HS6ST3: variants seen among roughly 807,000 people sequenced by gnomAD.
HS6ST3 encodes the protein heparan sulfate 6-O-sulfotransferase 3.
HS6ST3 carries 12 observed loss-of-function variants against 36.7 expected under a neutral mutation model. That is an observed-to-expected ratio of 0.33 (90% CI 0.21 to 0.53). The LOEUF (loss-of-function observed/expected upper bound fraction) is 0.53. Among genes scored for constraint, HS6ST3 ranks in the 20% least tolerant of loss-of-function variants. The pLI is 0.95. For missense variants in HS6ST3, 584 were observed against 640.9 expected, an observed-to-expected ratio of 0.91 and a Z score of 0.96; for synonymous variants, 240 against 257.5, an observed-to-expected ratio of 0.93 and a Z score of 0.65.
At position 96,583,615 on chromosome 13, in the gene HS6ST3, T is replaced by C. The variant is rs889850659; in HGVS notation, c.708-248875T>C. ...ATTTTGAATGTGCTTTTCTCCACCA[T>C]ACTGGTTAAGTTTAGCTCCTTTACC... is the stretch of plus-strand genomic sequence containing the variant. On this transcript the variant is annotated intron_variant, in intron 1 of 1. Transcript: ENST00000376705. Among the ~76,000 whole-genome samples, 4 of 152,186 alleles carry C rather than the reference T, an allele frequency of 2.6e-5. No individual in the cohort carries two copies. The East Asian group carries it at 7.7e-4, about 29-fold the overall frequency.
chr13:96,310,552 CGAGG>C (rs1566319727), intron 1 of HS6ST3, among the ~76,000 whole-genome samples: 1 of 152,062 alleles, frequency 6.6e-6, no homozygotes, highest in Non-Finnish European at 1.5e-5. Flanking sequence ...TTAGAAAAGA[CGAGG>C]AAGGAGATTT....
intron 1 of HS6ST3, among the ~76,000 whole-genome samples, chr13:96,342,436 A>G (rs2055135421): frequency 6.6e-6 from 1 of 152,192 alleles, no homozygotes; most frequent in Non-Finnish European, 1.5e-5. Context: ...GAATCCCAAA[A>G]CACATTCATA....
At chr13:96,554,871 C>T (rs1323006001) in intron 1 of HS6ST3, among the ~76,000 whole-genome samples, 3 of 151,946 alleles carry the variant, frequency 2.0e-5, no homozygotes, top group South Asian at 4.2e-4. Flanking sequence ...GAGTTTGAGA[C>T]CAACTCCTGG....
At chr13:96,256,816 T>C (rs2054639598) in intron 1 of HS6ST3, among the ~76,000 whole-genome samples, 1 of 152,136 alleles carries the variant, frequency 6.6e-6, no homozygotes, top group South Asian at 2.1e-4. Context: ...TTGTCCATGG[T>C]GAGAATTGCA....
intron 1 of HS6ST3, among the ~76,000 whole-genome samples, chr13:96,166,808 C>T (rs1240396318): frequency 1.3e-5 from 2 of 152,086 alleles, no homozygotes; most frequent in African/African-American, 4.8e-5. Context: ...CCATAATCCC[C>T]ACGTGTTATA....
chr13:96,392,012 A>G (rs1260714131), intron 1 of HS6ST3, among the ~76,000 whole-genome samples: 1 of 152,212 alleles, frequency 6.6e-6, no homozygotes, highest in Non-Finnish European at 1.5e-5. Context: ...CATTATTACA[A>G]TGCATTTGCA....
At chr13:96,788,450 G>A (rs1877706191) in intron 1 of HS6ST3, among the ~76,000 whole-genome samples, 1 of 151,822 alleles carries the variant, frequency 6.6e-6, no homozygotes, top group Non-Finnish European at 1.5e-5. Context: ...CTATGAACAT[G>A]ATCTATCAGG....
intron 1 of HS6ST3, among the ~76,000 whole-genome samples, chr13:96,754,215 T>G (rs1876769629): frequency 6.6e-6 from 1 of 152,208 alleles, no homozygotes; most frequent in Non-Finnish European, 1.5e-5. Context: ...GTATCATGAG[T>G]AAATTAATTT....
In HS6ST3 at chr13:96,306,345, G is replaced by T. The variant is rs144167582; in HGVS notation, c.707+214776G>T. 1.9e-4 allele frequency among the ~76,000 whole-genome samples: 29 copies of T among 151,898 alleles called. No individual in the cohort carries two copies. The East Asian group carries it at 5.5e-3, about 29-fold the overall frequency. On this transcript the variant is annotated intron_variant, in intron 1 of 1. Transcript: ENST00000376705. ...TCTTGATCTCTTGATCTTGTGATCT[G>T]CCCACCTCGGCCTCCCAAAGTATGC...
At chr13:96,603,888 G>A (rs1392088929) in intron 1 of HS6ST3, among the ~76,000 whole-genome samples, 2 of 152,166 alleles carry the variant, frequency 1.3e-5, no homozygotes, top group African/African-American at 4.8e-5. Context: ...ACCTACTTCA[G>A]ATCGGATCAT....
chr13:96,728,784 G>A (rs1238417597), intron 1 of HS6ST3, among the ~76,000 whole-genome samples: 1 of 151,742 alleles, frequency 6.6e-6, no homozygotes, highest in Non-Finnish European at 1.5e-5. Flanking sequence ...AGCCACAATT[G>A]TTTTTTTTCC....
At position 96,780,412 on chromosome 13, in the gene HS6ST3, C is replaced by G. The variant is rs554660754; in HGVS notation, c.708-52078C>G. ...CAAGGCAGTTCTTGACATATTCACT[C>G]CAGATAAGACCTCCATATCCTGGGG... is the stretch of plus-strand genomic sequence containing the variant. On this transcript the variant is annotated intron_variant, in intron 1 of 1. Coordinates refer to ENST00000376705, the MANE Select transcript of HS6ST3 (RefSeq NM_153456.4). Among the ~76,000 whole-genome samples, 117 of 152,210 alleles carry G rather than the reference C, an allele frequency of 7.7e-4. 1 individual carries two copies. The highest frequency in any genetic ancestry group is 2.7e-3 in the African/African-American group (112 of 41,538).
At chr13:96,116,628 A>G (rs1302014905) in intron 1 of HS6ST3, among the ~76,000 whole-genome samples, 1 of 152,260 alleles carries the variant, frequency 6.6e-6, no homozygotes, top group Non-Finnish European at 1.5e-5. Context: ...TCTGGCATGC[A>G]GAAGGTGCTC....
chr13:96,639,709 C>T (rs1594824455), intron 1 of HS6ST3, among the ~76,000 whole-genome samples: 2 of 151,852 alleles, frequency 1.3e-5, no homozygotes, highest in East Asian at 3.9e-4. Flanking sequence ...TCTACCCTCC[C>T]CCAAAAATAG....
intron 1 of HS6ST3, among the ~76,000 whole-genome samples, chr13:96,104,029 G>A (rs2053829962): frequency 6.8e-6 from 1 of 147,292 alleles, no homozygotes; most frequent in African/African-American, 2.5e-5. Flanking sequence ...TAAATTTTGT[G>A]TTCATGACTG....
At chr13:96,687,741 T>C (rs1216222671) in intron 1 of HS6ST3, among the ~76,000 whole-genome samples, 1 of 151,934 alleles carries the variant, frequency 6.6e-6, no homozygotes, top group Non-Finnish European at 1.5e-5. Context: ...AAGGGGATTG[T>C]TAAGGATTGA....
At chr13:96,167,622 G>T (rs1006012846) in intron 1 of HS6ST3, among the ~76,000 whole-genome samples, 1 of 152,184 alleles carries the variant, frequency 6.6e-6, no homozygotes, top group Non-Finnish European at 1.5e-5. Context: ...CAAATATGAA[G>T]CATCTTGAGG....
intron 1 of HS6ST3, among the ~76,000 whole-genome samples, chr13:96,256,231 A>G (rs750537310): frequency 6.6e-6 from 1 of 152,212 alleles, no homozygotes; most frequent in Admixed American, 6.5e-5. Context: ...GAGTTTCACC[A>G]TATAATAAGT....
chr13:96,173,109 T>C (rs1255484787), intron 1 of HS6ST3, among the ~76,000 whole-genome samples: 1 of 152,126 alleles, frequency 6.6e-6, no homozygotes, highest in Non-Finnish European at 1.5e-5. Flanking sequence ...AGAATAGATA[T>C]ACAGAGTCAT....
Sources: gnomAD v4.1 joint callset for allele counts (sites outside exome capture counted in the v4.1 genomes callset) on GRCh38, gnomAD v4.1.1 for gene constraint, MANE v1.5 for transcripts, NCBI Gene and HGNC (gene_info 2026-07-23, HGNC 2026-07-21) for gene names.